Variants in ROBO1 observed in about 807,000 individuals in gnomAD.
ROBO1 encodes the protein roundabout homolog 1.
In ROBO1, 149 loss-of-function variants were observed where a neutral mutation model predicts 195.9. The ratio of observed to expected loss-of-function variants is 0.76; its 90% CI spans 0.67 to 0.87. The LOEUF (loss-of-function observed/expected upper bound fraction) is 0.87, where lower values mean the gene tolerates loss of function less well. Ranked by LOEUF, ROBO1 falls within the 40% of genes least tolerant of loss-of-function variation. ROBO1 has a pLI of 0.00. For synonymous variants in ROBO1, 816 were observed against 733.2 expected, an observed-to-expected ratio of 1.11 and a Z score of -1.82; for missense variants, 1,933 against 2,068.3, an observed-to-expected ratio of 0.93 and a Z score of 1.27.
At chr3:78,799,580 A>T (rs1333348953) in intron 4 of ROBO1, among the ~76,000 whole-genome samples, 1 of 149,358 alleles carries the variant, frequency 6.7e-6, no homozygotes, top group Non-Finnish European at 1.5e-5. Context: ...TGACCTCGTG[A>T]TCCACCCACC....
intron 22 of ROBO1, among the ~76,000 whole-genome samples, chr3:78,637,988 G>A (rs944068582): frequency 6.7e-6 from 1 of 150,002 alleles, no homozygotes; most frequent in Non-Finnish European, 1.5e-5. Flanking sequence ...TTTTTTTGGG[G>A]GGGGGAGGGG....
At chr3:79,219,679 A>T (rs540818981) in intron 2 of ROBO1, among the ~76,000 whole-genome samples, 1 of 152,058 alleles carries the variant, frequency 6.6e-6, no homozygotes, top group Non-Finnish European at 1.5e-5. Flanking sequence ...TAGTAATTGC[A>T]TGATGATCTG....
At chr3:79,455,089 TA>T (rs1244666093) in intron 2 of ROBO1, among the ~76,000 whole-genome samples, 1 of 151,922 alleles carries the variant, frequency 6.6e-6, no homozygotes. Flanking sequence ...TTAAAGTTAT[TA>T]AAAACTCAGC....
At chr3:79,046,368 C>A (rs2078592312) in intron 3 of ROBO1, among the ~76,000 whole-genome samples, 1 of 152,128 alleles carries the variant, frequency 6.6e-6, no homozygotes, top group African/African-American at 2.4e-5. Context: ...ATCTTGAATG[C>A]AGCTTTGTGA....
rs140861348 is a variant in ROBO1 at position 78,895,027 on chromosome 3, C to G, written c.499+43574G>C. On this transcript the variant is annotated intron_variant, in intron 4 of 30. Coordinates refer to ENST00000464233, the MANE Select transcript of ROBO1 (RefSeq NM_002941.4). ...ATGTTCAGAGGCTGCACCTCCAAAACAGAGAGTTGGCTGTTCATCAGTGAT... is the reference window on the plus strand; with the variant it reads ...ATGTTCAGAGGCTGCACCTCCAAAAGAGAGAGTTGGCTGTTCATCAGTGAT... Among the ~76,000 whole-genome samples the G allele has an allele frequency of 4.0e-3, 605 of 152,304 alleles. 2 individuals are homozygous for G. Among genetic ancestry groups the G allele is most frequent in the African/African-American group, 0.014 (580 of 41,552 alleles).
chr3:79,310,861 T>C (rs2033453112), intron 2 of ROBO1, among the ~76,000 whole-genome samples: 1 of 152,184 alleles, frequency 6.6e-6, no homozygotes, highest in South Asian at 2.1e-4. Flanking sequence ...TTTTCAAATA[T>C]AACTAGTAAG....
At chr3:79,601,071 G>A (rs1172473466) in intron 1 of ROBO1, among the ~76,000 whole-genome samples, 2 of 151,876 alleles carry the variant, frequency 1.3e-5, no homozygotes, top group Non-Finnish European at 2.9e-5. Flanking sequence ...ATCAAAGAGA[G>A]AACGAAGTAA....
At chr3:79,388,667 G>C (rs113049708) in intron 2 of ROBO1, among the ~76,000 whole-genome samples, 31 of 152,200 alleles carry the variant, frequency 2.0e-4, no homozygotes, top group African/African-American at 7.5e-4. Context: ...ATATGCACAG[G>C]TAATATAAAT....
At chr3:78,876,353 A>G (rs975900157) in intron 4 of ROBO1, among the ~76,000 whole-genome samples, 1 of 152,132 alleles carries the variant, frequency 6.6e-6, no homozygotes, top group South Asian at 2.1e-4. Context: ...CAACTTAGCC[A>G]TAATTATATC....
chr3:78,746,625 T>G, intron 5 of ROBO1, 118 bp downstream of exon 5: 1 of 784,916 alleles, frequency 1.3e-6, no homozygotes, highest in East Asian at 2.9e-5. Flanking sequence ...AAGCTGAACA[T>G]GGGAGCTGAC....
At chr3:79,023,885 T>TATTTTTAG (rs1352772918) in intron 3 of ROBO1, among the ~76,000 whole-genome samples, 2 of 150,060 alleles carry the variant, frequency 1.3e-5, no homozygotes, top group Non-Finnish European at 3.0e-5. Context: ...TTTTTTTTTG[T>TATTTTTAG]ATTTTTAGTA....
chr3:79,524,012 A>G (rs1941323748), intron 2 of ROBO1, among the ~76,000 whole-genome samples: 1 of 152,150 alleles, frequency 6.6e-6, no homozygotes, highest in African/African-American at 2.4e-5. Context: ...AATCTACCTC[A>G]TGAACGGCAT....
rs72894173 is a variant in ROBO1, at chr3:79,107,958, T to C, written c.172+17498A>G. Among the ~76,000 whole-genome samples, 1,240 of 151,856 alleles carry C rather than the reference T, an allele frequency of 8.2e-3. 14 individuals are homozygous for C. The highest frequency in any genetic ancestry group is 0.028 in the African/African-American group (1,173 of 41,518). ...ATGCTCAATGTATAAGCAATGTAACTTATTCTTAATAAAATAATCAAATGA... is the reference window on the plus strand; with the variant it reads ...ATGCTCAATGTATAAGCAATGTAACCTATTCTTAATAAAATAATCAAATGA... On this transcript the variant is annotated intron_variant, in intron 3 of 30. Transcript: ENST00000464233.
chr3:79,215,244 T>C (rs1292015732), intron 2 of ROBO1, among the ~76,000 whole-genome samples: 2 of 152,116 alleles, frequency 1.3e-5, no homozygotes, highest in South Asian at 2.1e-4. Context: ...TGTTAAATCA[T>C]GTCTCTCATT....
At chr3:79,262,448 T>A (rs984830560) in intron 2 of ROBO1, among the ~76,000 whole-genome samples, 5 of 152,096 alleles carry the variant, frequency 3.3e-5, no homozygotes, top group Non-Finnish European at 7.4e-5. Flanking sequence ...GCATTTGATA[T>A]TTAGAGTACA....
intron 2 of ROBO1, among the ~76,000 whole-genome samples, chr3:79,377,984 T>A (rs574872559): frequency 1.4e-4 from 22 of 152,328 alleles, no homozygotes; most frequent in Middle Eastern, 3.4e-3. Flanking sequence ...GCAGTCCTCA[T>A]GTTCTTGCTC....
chr3:78,841,853 C>G (rs1030062717), intron 4 of ROBO1, among the ~76,000 whole-genome samples: 3 of 152,006 alleles, frequency 2.0e-5, no homozygotes, highest in Non-Finnish European at 4.4e-5. Context: ...TTTAATAAAG[C>G]CCTTTCATTA....
intron 20 of ROBO1, among the ~76,000 whole-genome samples, chr3:78,646,577 T>C (rs1454394305): frequency 1.4e-5 from 2 of 143,450 alleles, no homozygotes; most frequent in African/African-American, 5.2e-5. Flanking sequence ...CATAATTTCA[T>C]AATTTTATAT....
chr3:78,813,091 A>G (rs2084791542), intron 4 of ROBO1, among the ~76,000 whole-genome samples: 1 of 152,116 alleles, frequency 6.6e-6, no homozygotes, highest in Non-Finnish European at 1.5e-5. Flanking sequence ...TAAGTGATTC[A>G]TTAACAAAAC....
Sources: gnomAD v4.1 joint callset for allele counts (sites outside exome capture counted in the v4.1 genomes callset) on GRCh38, gnomAD v4.1.1 for gene constraint, MANE v1.5 for transcripts, NCBI Gene and HGNC (gene_info 2026-07-23, HGNC 2026-07-21) for gene names.